The following CTNNA2 variants were observed in gnomAD, a reference collection of about 807,000 sequenced individuals.
The protein encoded by CTNNA2 is catenin alpha 2, also known as catenin alpha-2.
A neutral mutation model predicts 101.0 loss-of-function variants in CTNNA2; 42 were observed. The ratio of observed to expected loss-of-function variants is 0.42; its 90% CI spans 0.32 to 0.54. The LOEUF (loss-of-function observed/expected upper bound fraction) is 0.54, where lower values mean the gene tolerates loss of function less well. Among genes scored for constraint, CTNNA2 ranks in the 20% least tolerant of loss-of-function variants. The pLI is 0.14. For missense variants in CTNNA2, 871 were observed against 1,223.1 expected, an observed-to-expected ratio of 0.71 and a Z score of 4.29; for synonymous variants, 450 against 456.4, an observed-to-expected ratio of 0.99 and a Z score of 0.18.
At chr2:80,183,433 C>A (rs2148984638) in intron 7 of CTNNA2, among the ~76,000 whole-genome samples, 1 of 152,218 alleles carries the variant, frequency 6.6e-6, no homozygotes, top group Non-Finnish European at 1.5e-5. Flanking sequence ...AGCAAGCAAA[C>A]CAAAACCACA....
At chr2:80,008,208 A>C (rs114527600) in intron 7 of CTNNA2, among the ~76,000 whole-genome samples, 1,616 of 152,322 alleles carry the variant, frequency 0.011, 30 homozygotes, top group African/African-American at 0.037. Context: ...GTACTTTTGC[A>C]GTTACCTCTT....
At chr2:79,353,589 C>T (rs755318790) in intron 3 of CTNNA2, among the ~76,000 whole-genome samples, 6 of 152,164 alleles carry the variant, frequency 3.9e-5, no homozygotes, top group Non-Finnish European at 8.8e-5. Context: ...TTCTTGAAGA[C>T]AGCATACGGT....
chr2:79,970,139 A>C (rs1157712772), intron 7 of CTNNA2, among the ~76,000 whole-genome samples: 2 of 152,212 alleles, frequency 1.3e-5, no homozygotes, highest in African/African-American at 4.8e-5. Context: ...ATGGTGAATG[A>C]ACAGCCTTTG....
At chr2:80,499,395 C>A (rs1307114724) in intron 9 of CTNNA2, among the ~76,000 whole-genome samples, 3 of 152,196 alleles carry the variant, frequency 2.0e-5, no homozygotes, top group Middle Eastern at 3.4e-3. Flanking sequence ...TTCATATTTT[C>A]ATGGGAATGA....
chr2:80,455,142 T>C (rs1389857939), intron 9 of CTNNA2, among the ~76,000 whole-genome samples: 1 of 152,202 alleles, frequency 6.6e-6, no homozygotes, highest in African/African-American at 2.4e-5. Context: ...AATGGTTAGG[T>C]TGGGGTAATG....
intron 7 of CTNNA2, among the ~76,000 whole-genome samples, chr2:80,224,297 G>A (rs1354019851): frequency 6.6e-6 from 1 of 152,136 alleles, no homozygotes; most frequent in Non-Finnish European, 1.5e-5. Flanking sequence ...TGAAGCATAT[G>A]TCTTCTGGCC....
intron 4 of CTNNA2, among the ~76,000 whole-genome samples, chr2:79,490,112 C>T (rs191538475): frequency 2.0e-5 from 3 of 152,308 alleles, no homozygotes; most frequent in African/African-American, 7.2e-5. Flanking sequence ...TCCATCCACT[C>T]TGTGGAGTCA....
chr2:79,220,570 A>C (rs1674329079), intron 2 of CTNNA2, among the ~76,000 whole-genome samples: 1 of 152,018 alleles, frequency 6.6e-6, no homozygotes, highest in Non-Finnish European at 1.5e-5. Flanking sequence ...CAGATGGAGG[A>C]GGCAAGGAGG....
At chr2:80,100,160 C>G (rs953661190) in intron 7 of CTNNA2, among the ~76,000 whole-genome samples, 1 of 152,124 alleles carries the variant, frequency 6.6e-6, no homozygotes, top group Non-Finnish European at 1.5e-5. Flanking sequence ...TCTCGAACTC[C>G]TGACCTCAGG....
chr2:80,136,980 C>G (rs1225743522), intron 7 of CTNNA2, among the ~76,000 whole-genome samples: 1 of 152,104 alleles, frequency 6.6e-6, no homozygotes, highest in Non-Finnish European at 1.5e-5. Context: ...TTTATGTTAT[C>G]TTTATGTGAA....
intron 2 of CTNNA2, among the ~76,000 whole-genome samples, chr2:79,255,359 C>T (rs1193022920): frequency 6.6e-6 from 1 of 152,066 alleles, no homozygotes; most frequent in Non-Finnish European, 1.5e-5. Flanking sequence ...GTTCAGATTC[C>T]AATTCAGAGC....
chr2:79,229,501 G>A (rs997369616), intron 2 of CTNNA2, among the ~76,000 whole-genome samples: 1 of 152,136 alleles, frequency 6.6e-6, no homozygotes, highest in South Asian at 2.1e-4. Flanking sequence ...ACCTTCCCCA[G>A]CCACCTGGAA....
intron 7 of CTNNA2, among the ~76,000 whole-genome samples, chr2:80,096,410 T>A (rs1044847495): frequency 6.6e-6 from 1 of 152,140 alleles, no homozygotes; most frequent in African/African-American, 2.4e-5. Context: ...TGCTGAGGAG[T>A]GCTTTACTTC....
At chr2:80,595,630 G>A (rs1696883769) in intron 15 of CTNNA2, among the ~76,000 whole-genome samples, 1 of 152,094 alleles carries the variant, frequency 6.6e-6, no homozygotes, top group African/African-American at 2.4e-5. Context: ...TCATTAAGAT[G>A]AAATAAAACT....
intron 9 of CTNNA2, among the ~76,000 whole-genome samples, chr2:80,515,151 CTTT>C (rs751309907): frequency 2.5e-3 from 355 of 143,878 alleles, no homozygotes; most frequent in African/African-American, 7.9e-3. Flanking sequence ...AATTGCCCAT[CTTT>C]TTTTTTTTTT....
At chr2:80,002,391 G>A (rs758472060) in intron 7 of CTNNA2, among the ~76,000 whole-genome samples, 1 of 152,174 alleles carries the variant, frequency 6.6e-6, no homozygotes, top group Non-Finnish European at 1.5e-5. Context: ...TCAGGTCTGA[G>A]AGAAGTACAT....
intron 9 of CTNNA2, among the ~76,000 whole-genome samples, chr2:80,504,453 A>T (rs1688114897): frequency 6.6e-6 from 1 of 152,194 alleles, no homozygotes; most frequent in South Asian, 2.1e-4. Flanking sequence ...CAACATGGGA[A>T]TGACAATCCC....
chr2:80,398,118 T>C (rs1436642818), intron 8 of CTNNA2, among the ~76,000 whole-genome samples: 2 of 152,226 alleles, frequency 1.3e-5, no homozygotes, highest in Non-Finnish European at 2.9e-5. Flanking sequence ...CATTGGATTC[T>C]CTTTTTAAAA....
At chr2:80,172,831 C>T (rs1705150087) in intron 7 of CTNNA2, among the ~76,000 whole-genome samples, 1 of 152,158 alleles carries the variant, frequency 6.6e-6, no homozygotes, top group Admixed American at 6.5e-5. Flanking sequence ...ATGGTGCACT[C>T]CCTGTGTGCA....
Sources: allele counts gnomAD v4.1 joint callset (sites outside exome capture counted in the v4.1 genomes callset), GRCh38; gene constraint gnomAD v4.1.1; transcripts MANE v1.5; gene names NCBI Gene and HGNC (gene_info 2026-07-23, HGNC 2026-07-21).